Variants in NRP2 observed in about 807,000 individuals in gnomAD.
NRP2 encodes the protein neuropilin-2.
Under a neutral mutation model 110.4 loss-of-function variants are expected in NRP2, and 52 were observed. That is an observed-to-expected ratio of 0.47 (90% CI 0.38 to 0.59). NRP2 has a LOEUF of 0.59. Among genes scored for constraint, NRP2 ranks in the 20% least tolerant of loss-of-function variants. NRP2 has a pLI of 0.00. For missense variants in NRP2, 1,049 were observed against 1,203.0 expected, an observed-to-expected ratio of 0.87 and a Z score of 1.89; for synonymous variants, 508 against 468.9, an observed-to-expected ratio of 1.08 and a Z score of -1.08.
chr2:205,697,375 G>A (rs571131635), intron 1 of NRP2, among the ~76,000 whole-genome samples, 169 bp from the exon 2 acceptor site: 18 of 148,636 alleles, frequency 1.2e-4, no homozygotes, highest in East Asian at 3.9e-4. Context: ...GGGATGAGCC[G>A]GAATAATCTC....
At chr2:205,784,921 A>C (rs1245455789) in intron 15 of NRP2, among the ~76,000 whole-genome samples, 4 of 152,200 alleles carry the variant, frequency 2.6e-5, no homozygotes, top group African/African-American at 9.7e-5. Flanking sequence ...ACCTGAAGCC[A>C]GGTCTCTTAG....
intron 7 of NRP2, among the ~76,000 whole-genome samples, chr2:205,739,318 G>A (rs749177784): frequency 3.9e-5 from 6 of 152,194 alleles, no homozygotes; most frequent in Non-Finnish European, 5.9e-5. Flanking sequence ...ATCCAATGAA[G>A]TGGAGATAAG....
At chr2:205,723,619 A>C (rs2057064269) in intron 4 of NRP2, among the ~76,000 whole-genome samples, 166 bp from the exon 5 acceptor site, 1 of 152,242 alleles carries the variant, frequency 6.6e-6, no homozygotes, top group Admixed American at 6.5e-5. Context: ...TTTGATGTGC[A>C]GGAAAAATAT....
In NRP2 at chr2:205,686,539, C is replaced by T. The variant is rs1036602838; in HGVS notation, c.73+3176C>T. ...GCCCTTCGACTCGGGCTGGCTGTGC[C>T]GGGGGTCTTTCCCACCGGGTCGCAG... On this transcript the variant is annotated intron_variant, in intron 1 of 16. Coordinates refer to ENST00000357785, the MANE Select transcript of NRP2 (RefSeq NM_003872.3). This position sits in a 1 kb window ranked among gnomAD's most constrained non-coding sequence, Gnocchi z 4.7. Among the ~76,000 whole-genome samples the T allele has an allele frequency of 6.6e-6, 1 of 152,206 alleles. No individual in the cohort carries two copies. The highest frequency in any genetic ancestry group is 1.9e-4 in the East Asian group (1 of 5,190).
At chr2:205,691,920 G>T (rs1459300885) in intron 1 of NRP2, among the ~76,000 whole-genome samples, 1 of 152,154 alleles carries the variant, frequency 6.6e-6, no homozygotes, top group East Asian at 1.9e-4. Flanking sequence ...ACATTTTACC[G>T]ATTAAATGAG....
chr2:205,712,095 G>C (rs1376832152), intron 2 of NRP2, among the ~76,000 whole-genome samples: 3 of 152,204 alleles, frequency 2.0e-5, no homozygotes, highest in African/African-American at 7.2e-5. Flanking sequence ...CTTTGAAGTT[G>C]AGAAAGAAAG....
chr2:205,715,059 G>A (rs2056867428), intron 2 of NRP2, among the ~76,000 whole-genome samples: 1 of 152,166 alleles, frequency 6.6e-6, no homozygotes, highest in Non-Finnish European at 1.5e-5. Context: ...CAGAAAGGGA[G>A]GGAGAGGGAG....
chr2:205,746,912 C>G (rs1407281936), intron 10 of NRP2, among the ~76,000 whole-genome samples: 1 of 152,166 alleles, frequency 6.6e-6, no homozygotes, highest in East Asian at 1.9e-4. Context: ...AAATTAGCCT[C>G]CTCACTTTTG....
At chr2:205,696,120 G>T (rs1419255855) in intron 1 of NRP2, among the ~76,000 whole-genome samples, 1 of 152,196 alleles carries the variant, frequency 6.6e-6, no homozygotes, top group Non-Finnish European at 1.5e-5. Flanking sequence ...TGCCGAAAAG[G>T]CTACTTGTGT....
At chr2:205,772,086 A>C (rs1162879078) in intron 15 of NRP2, among the ~76,000 whole-genome samples, 1 of 152,240 alleles carries the variant, frequency 6.6e-6, no homozygotes, top group Non-Finnish European at 1.5e-5. Flanking sequence ...GTTTCACTGA[A>C]TGCTTCTCTG....
intron 15 of NRP2, among the ~76,000 whole-genome samples, chr2:205,782,875 T>C (rs948638546): frequency 6.6e-5 from 10 of 152,126 alleles, no homozygotes; most frequent in Non-Finnish European, 1.0e-4. Context: ...TTTTTACTAT[T>C]ATAAACAATA....
At chr2:205,685,205 G>A (rs999291154) in intron 1 of NRP2, among the ~76,000 whole-genome samples, 5 of 152,182 alleles carry the variant, frequency 3.3e-5, no homozygotes, top group African/African-American at 7.2e-5. Flanking sequence ...GCAGTGCTGC[G>A]TCACTTCCAG....
intron 6 of NRP2, 73 bp downstream of exon 6, chr2:205,726,155 C>T (rs73064192): frequency 0.069 from 101,744 of 1,466,720 alleles, 4,268 homozygotes; most frequent in African/African-American, 0.16. Context: ...TCCTCAAATA[C>T]AGTAGGCAGA....
chr2:205,703,696 G>T (rs1386124103), intron 2 of NRP2, among the ~76,000 whole-genome samples: 1 of 152,200 alleles, frequency 6.6e-6, no homozygotes, highest in East Asian at 1.9e-4. Flanking sequence ...GAATTCTAAA[G>T]AATTTGGCCA....
At chr2:205,745,196 G>A (rs1482064574) in intron 9 of NRP2, among the ~76,000 whole-genome samples, 2 of 152,164 alleles carry the variant, frequency 1.3e-5, no homozygotes, top group Non-Finnish European at 2.9e-5. Flanking sequence ...ACAAAGGTTT[G>A]GGAAACAGTC....
At chr2:205,787,219 A>C (rs2058245042) in intron 15 of NRP2, among the ~76,000 whole-genome samples, 1 of 152,118 alleles carries the variant, frequency 6.6e-6, no homozygotes, top group Non-Finnish European at 1.5e-5. Context: ...GGAGGTAGGC[A>C]TTCCGCCCCC....
intron 5 of NRP2, 129 bp downstream of exon 5, chr2:205,724,069 G>A: frequency 6.1e-6 from 6 of 982,232 alleles, no homozygotes; most frequent in Non-Finnish European, 9.4e-6. Context: ...TGGCATCTGA[G>A]TTTAGAGGTG....
chr2:205,722,432 A>G, intron 3 of NRP2, 46 bp from the exon 4 acceptor site: 1 of 1,474,262 alleles, frequency 6.8e-7, no homozygotes, highest in Admixed American at 1.7e-5. Flanking sequence ...GAGGCCACAA[A>G]GAAAGGCATC....
rs1172986328 is a variant in NRP2, at chr2:205,686,814, CT to C, written c.73+3452del. ...GGCGTGTGCTCCCTGCTCGGCTCCC[CT>C]CCCTCCACTTCCTGTTCTTTCGGTT... is the stretch of plus-strand genomic sequence containing the variant. On this transcript the variant is annotated intron_variant, in intron 1 of 16. Transcript: ENST00000357785. The surrounding 1 kb of genome is among the most constrained non-coding windows in gnomAD (Gnocchi z 4.7). 5.9e-5 allele frequency among the ~76,000 whole-genome samples: 9 copies of C among 152,236 alleles called. No homozygotes were observed. The highest frequency in any genetic ancestry group is 1.3e-4 in the Non-Finnish European group (9 of 68,040).
Sources: allele counts gnomAD v4.1 joint callset (sites outside exome capture counted in the v4.1 genomes callset), GRCh38; gene constraint gnomAD v4.1.1; non-coding constraint Gnocchi (gnomAD v3.1); transcripts MANE v1.5; gene names NCBI Gene and HGNC (gene_info 2026-07-23, HGNC 2026-07-21).